Variants in CSMD1 observed in about 807,000 individuals in gnomAD.
CSMD1 encodes the protein CUB and sushi domain-containing protein 1.
CSMD1 carries 213 observed loss-of-function variants against 417.5 expected under a neutral mutation model. The ratio of observed to expected loss-of-function variants is 0.51; its 90% CI spans 0.46 to 0.57. The LOEUF (loss-of-function observed/expected upper bound fraction) is 0.57. Among genes scored for constraint, CSMD1 ranks in the 20% least tolerant of loss-of-function variants. CSMD1 has a pLI of 0.00. For synonymous variants in CSMD1, 2,862 were observed against 1,736.8 expected, an observed-to-expected ratio of 1.65 and a Z score of -16.11; for missense variants, 6,923 against 4,529.7, an observed-to-expected ratio of 1.53 and a Z score of -15.17.
intron 5 of CSMD1, among the ~76,000 whole-genome samples, chr8:3,834,411 A>C (rs904433526): frequency 1.3e-5 from 2 of 151,824 alleles, no homozygotes; most frequent in Non-Finnish European, 2.9e-5. Context: ...TAAAACCCCA[A>C]ATACCCCCTG....
intron 2 of CSMD1, among the ~76,000 whole-genome samples, chr8:4,605,348 T>C (rs374127625): frequency 6.6e-6 from 1 of 152,188 alleles, no homozygotes; most frequent in African/African-American, 2.4e-5. Context: ...AAATGAATTA[T>C]CTATGAGCAA....
chr8:3,931,595 C>T (rs1810145275), intron 5 of CSMD1, among the ~76,000 whole-genome samples: 1 of 149,812 alleles, frequency 6.7e-6, no homozygotes, highest in African/African-American at 2.5e-5. Context: ...TGAATTGCCT[C>T]AAATCATTGC....
chr8:4,404,676 T>C (rs945575391), intron 3 of CSMD1, among the ~76,000 whole-genome samples: 4 of 152,058 alleles, frequency 2.6e-5, no homozygotes, highest in Admixed American at 6.6e-5. Flanking sequence ...TACACTATAT[T>C]AAACTTATGT....
intron 1 of CSMD1, among the ~76,000 whole-genome samples, chr8:4,838,095 T>C (rs929056652): frequency 6.6e-6 from 1 of 152,068 alleles, no homozygotes; most frequent in Admixed American, 6.6e-5. Flanking sequence ...TAATAAAAAT[T>C]AGTGAGAATA....
intron 1 of CSMD1, among the ~76,000 whole-genome samples, chr8:4,962,037 A>G (rs998249406): frequency 6.6e-6 from 1 of 151,868 alleles, no homozygotes; most frequent in Admixed American, 6.6e-5. Context: ...TAACTTTGGG[A>G]AGGTTTTTTT....
intron 2 of CSMD1, among the ~76,000 whole-genome samples, chr8:4,592,625 G>A (rs1486023861): frequency 2.0e-5 from 3 of 152,130 alleles, no homozygotes; most frequent in Non-Finnish European, 4.4e-5. Context: ...GATCCCAAGT[G>A]ATCCGCCTGT....
At chr8:4,204,576 G>C (rs1032394621) in intron 3 of CSMD1, among the ~76,000 whole-genome samples, 1 of 152,162 alleles carries the variant, frequency 6.6e-6, no homozygotes, top group East Asian at 1.9e-4. Flanking sequence ...CTGAGAGGAA[G>C]ATTCAATCTG....
intron 1 of CSMD1, among the ~76,000 whole-genome samples, chr8:4,980,018 C>A (rs1266260925): frequency 1.3e-5 from 2 of 152,172 alleles, no homozygotes. Flanking sequence ...GCCTGGGCGA[C>A]AGAGTGAGAC....
chr8:3,418,501 A>G (rs1813296611), intron 12 of CSMD1, among the ~76,000 whole-genome samples: 1 of 152,076 alleles, frequency 6.6e-6, no homozygotes, highest in Non-Finnish European at 1.5e-5. Context: ...ATGGAGTCAT[A>G]TTTACTTGGC....
intron 18 of CSMD1, chr8:3,373,387 G>T (rs1310254414): frequency 6.6e-6 from 1 of 152,160 alleles, no homozygotes; most frequent in Non-Finnish European, 1.5e-5. Flanking sequence ...GCTGCTCTCA[G>T]GCTTGTTTAG....
At position 3,932,457 on chromosome 8, in the gene CSMD1, G is replaced by C. The variant is rs554452902; in HGVS notation, c.818+65446C>G. On this transcript the variant is annotated intron_variant, in intron 5 of 69. Coordinates refer to ENST00000635120, the MANE Select transcript of CSMD1 (RefSeq NM_033225.6). Reference sequence around the variant, plus strand: ...ACTCTCATAACCCAGCCTCAGCACGGTAATAAGACCTTGATATGTAGGACC... The same window carrying C: ...ACTCTCATAACCCAGCCTCAGCACGCTAATAAGACCTTGATATGTAGGACC... 1.1e-3 allele frequency among the ~76,000 whole-genome samples: 160 copies of C among 150,446 alleles called. 5 individuals are homozygous for C. Among genetic ancestry groups the C allele is most frequent in the African/African-American group, 3.5e-3 (144 of 40,800 alleles).
chr8:3,997,441 G>A lies in CSMD1; in HGVS notation c.818+462C>T, dbSNP rs76835987. 5.0e-3 allele frequency among the ~76,000 whole-genome samples: 765 copies of A among 152,232 alleles called. 18 individuals are homozygous for A. The East Asian group carries it at 0.073, about 15-fold the overall frequency. On this transcript the variant is annotated intron_variant, in intron 5 of 69. Coordinates refer to ENST00000635120, the MANE Select transcript of CSMD1 (RefSeq NM_033225.6). ...TGCCTTTGAGGATCTTGTAGCCACG[G>A]GCACTTCCCCACAGGTGGCTACAGA... is the stretch of plus-strand genomic sequence containing the variant.
At chr8:3,920,435 T>G (rs1774229277) in intron 5 of CSMD1, among the ~76,000 whole-genome samples, 1 of 152,022 alleles carries the variant, frequency 6.6e-6, no homozygotes, top group African/African-American at 2.4e-5. Context: ...AAACATAAAA[T>G]TTTACTTCTT....
chr8:3,682,551 G>A (rs375428740), intron 7 of CSMD1, among the ~76,000 whole-genome samples: 167 of 152,312 alleles, frequency 1.1e-3, no homozygotes, highest in East Asian at 9.5e-3. Flanking sequence ...AACAGGTGCT[G>A]GAGAGGATGT....
At chr8:3,956,054 C>A (rs1811922802) in intron 5 of CSMD1, among the ~76,000 whole-genome samples, 1 of 152,190 alleles carries the variant, frequency 6.6e-6, no homozygotes, top group Non-Finnish European at 1.5e-5. Context: ...CTCAGCTTCC[C>A]AAAGTGGTGA....
In CSMD1 at chr8:4,099,561, A is replaced by C. The variant is rs190137974; in HGVS notation, c.416-67462T>G. Among the ~76,000 whole-genome samples, 349 of 152,258 alleles carry C rather than the reference A, an allele frequency of 2.3e-3. 10 individuals are homozygous for C. Among genetic ancestry groups the C allele is most frequent in the Admixed American group, 0.02 (313 of 15,280 alleles). ...TGTGAACAAACTGAAGTACTGTTTA[A>C]GGCATGGCATATATCAATCAATCAA... On this transcript the variant is annotated intron_variant, in intron 3 of 69. Transcript: ENST00000635120.
chr8:4,435,786 G>A (rs1001774696), intron 2 of CSMD1, among the ~76,000 whole-genome samples: 1 of 152,176 alleles, frequency 6.6e-6, no homozygotes, highest in South Asian at 2.1e-4. Context: ...AGCTAAACAA[G>A]ACAATAGAAG....
intron 5 of CSMD1, among the ~76,000 whole-genome samples, chr8:3,843,271 T>A (rs1229520693): frequency 6.6e-6 from 1 of 152,198 alleles, no homozygotes; most frequent in Non-Finnish European, 1.5e-5. Flanking sequence ...TAAAAATACT[T>A]TCGTTGTTTG....
chr8:3,219,521 A>T, intron 28 of CSMD1, 79 bp from the exon 29 acceptor site: 9 of 1,035,920 alleles, frequency 8.7e-6, no homozygotes, highest in Non-Finnish European at 1.2e-5. Flanking sequence ...TGAGCTCAGA[A>T]AGTGATTTTA....
Sources: gnomAD v4.1 joint callset for allele counts (sites outside exome capture counted in the v4.1 genomes callset) on GRCh38, gnomAD v4.1.1 for gene constraint, MANE v1.5 for transcripts, NCBI Gene and HGNC (gene_info 2026-07-23, HGNC 2026-07-21) for gene names.